NPAS2: variants seen among roughly 807,000 people sequenced by gnomAD.
The protein encoded by NPAS2 is neuronal PAS domain-containing protein 2.
In NPAS2, 23 loss-of-function variants were observed where a neutral mutation model predicts 107.5. The ratio of observed to expected loss-of-function variants is 0.21; its 90% CI spans 0.15 to 0.30. The LOEUF is 0.30. Among genes scored for constraint, NPAS2 ranks in the 10% least tolerant of loss-of-function variants. NPAS2 has a pLI of 1.00. For synonymous variants in NPAS2, 403 were observed against 417.5 expected (o/e 0.97, Z 0.42); for missense variants, 756 against 1,043.3 (o/e 0.72, Z 3.79).
At chr2:100,867,258 C>T (rs894724586) in intron 1 of NPAS2, among the ~76,000 whole-genome samples, 1 of 152,184 alleles carries the variant, frequency 6.6e-6, no homozygotes, top group Non-Finnish European at 1.5e-5. Flanking sequence ...TGATATATCA[C>T]TTATGAGATA....
chr2:100,890,408 C>T (rs1286627075), intron 1 of NPAS2, among the ~76,000 whole-genome samples: 1 of 152,078 alleles, frequency 6.6e-6, no homozygotes, highest in African/African-American at 2.4e-5. Flanking sequence ...CCCCTGAATG[C>T]ACCTCCACAC....
At chr2:100,979,657 G>A (rs140666939) in intron 15 of NPAS2, among the ~76,000 whole-genome samples, 2,502 of 151,588 alleles carry the variant, frequency 0.017, 71 homozygotes, top group African/African-American at 0.056. Context: ...GGGATTACAG[G>A]AATGCACCAC....
rs1401626893 is a variant in NPAS2, at chr2:100,937,854, C to G, written c.363+12C>G. 1.3e-6 allele frequency: 2 copies of G among 1,567,862 alleles called. No individual in the cohort carries two copies. The highest frequency in any genetic ancestry group is 8.8e-7 in the Non-Finnish European group (1 of 1,137,678). On this transcript the variant is annotated intron_variant, in intron 5 of 20. Transcript: ENST00000335681. Reference sequence around the variant, plus strand: ...TTGGGCATTTACCGGTGAGTTTCCACTCCAATGGCCTTTACCGGTTCACGT... The same window carrying G: ...TTGGGCATTTACCGGTGAGTTTCCAGTCCAATGGCCTTTACCGGTTCACGT...
rs770591496 is a variant in NPAS2 at position 100,936,634 on chromosome 2, G to A, written c.274-1119G>A. ...AGAAATCAACTATCAGATACATATT[G>A]TGAAAGCACTGCAAGCATCCACACA... On this transcript the variant is annotated intron_variant, in intron 4 of 20. Transcript: ENST00000335681. Among the ~76,000 whole-genome samples the A allele has an allele frequency of 7.9e-5, 12 of 152,074 alleles. 1 individual carries two copies. Among genetic ancestry groups the A allele is most frequent in the Non-Finnish European group, 1.6e-4 (11 of 68,014 alleles).
intron 2 of NPAS2, among the ~76,000 whole-genome samples, chr2:100,924,894 A>C (rs1164383273): frequency 6.6e-6 from 1 of 152,226 alleles, no homozygotes; most frequent in Non-Finnish European, 1.5e-5. Flanking sequence ...CCTCAGAGCT[A>C]ATCTGTCAGA....
intron 2 of NPAS2, among the ~76,000 whole-genome samples, chr2:100,922,262 A>C (rs1421241566): frequency 6.6e-6 from 1 of 152,186 alleles, no homozygotes; most frequent in Non-Finnish European, 1.5e-5. Context: ...GATGAATTTT[A>C]TTGAATTTAA....
intron 2 of NPAS2, among the ~76,000 whole-genome samples, chr2:100,924,210 T>C (rs962219806): frequency 6.6e-6 from 1 of 151,974 alleles, no homozygotes; most frequent in Non-Finnish European, 1.5e-5. Flanking sequence ...CCCACCAGAG[T>C]GGTGCATTAG....
intron 5 of NPAS2, among the ~76,000 whole-genome samples, chr2:100,947,459 G>C (rs1674968118): frequency 6.6e-6 from 1 of 151,762 alleles, no homozygotes; most frequent in African/African-American, 2.4e-5. Context: ...GCTGAGGCAG[G>C]AGAATCGCTT....
chr2:100,932,657 C>T (rs1684034542), intron 3 of NPAS2, among the ~76,000 whole-genome samples: 1 of 151,106 alleles, frequency 6.6e-6, no homozygotes, highest in Non-Finnish European at 1.5e-5. Context: ...CATGGTACCA[C>T]CTGCAAGGGC....
chr2:100,967,864 G>T (rs770541962), intron 10 of NPAS2, among the ~76,000 whole-genome samples: 1 of 152,214 alleles, frequency 6.6e-6, no homozygotes, highest in Non-Finnish European at 1.5e-5. Flanking sequence ...CACAGAATCC[G>T]TCCAGAGGTT....
intron 1 of NPAS2, among the ~76,000 whole-genome samples, chr2:100,889,967 G>A (rs1001269805): frequency 2.6e-5 from 4 of 152,044 alleles, no homozygotes; most frequent in African/African-American, 4.8e-5. Context: ...GTTCGGGGGC[G>A]GGGAGGGATA....
intron 1 of NPAS2, among the ~76,000 whole-genome samples, chr2:100,842,758 A>G (rs1451325144): frequency 1.3e-5 from 2 of 152,204 alleles, no homozygotes; most frequent in Non-Finnish European, 2.9e-5. Context: ...ATTGTTGACA[A>G]CAGGAGGCTC....
At chr2:100,819,242 G>GGAGGGGAGGGAGAGGCA (rs1675902655), upstream of NPAS2, among the ~76,000 whole-genome samples, 1 of 152,146 alleles carries the variant, frequency 6.6e-6, no homozygotes, top group Non-Finnish European at 1.5e-5. This position sits in a 1 kb window ranked among gnomAD's most constrained non-coding sequence, Gnocchi z 5.8. Flanking sequence ...GGGCAGCGGA[G>GGAGGGGAGGGAGAGGCA]GAGGGGAGGG....
chr2:100,846,894 T>A (rs570045955), intron 1 of NPAS2: 1 of 152,328 alleles, frequency 6.6e-6, no homozygotes, highest in East Asian at 1.9e-4. Context: ...CAGCCACAGT[T>A]TGGACCTGAG....
intron 1 of NPAS2, among the ~76,000 whole-genome samples, chr2:100,852,509 C>G (rs1324816926): frequency 6.6e-6 from 1 of 152,220 alleles, no homozygotes; most frequent in South Asian, 2.1e-4. Context: ...CACGTAAGAA[C>G]AGGACTTGTT....
chr2:100,899,730 T>C (rs1470574801), intron 1 of NPAS2, among the ~76,000 whole-genome samples: 2 of 152,250 alleles, frequency 1.3e-5, no homozygotes, highest in Non-Finnish European at 2.9e-5. Context: ...GACATCCTGA[T>C]TCTGTCCTGC....
chr2:100,879,812 A>T (rs1680220527), intron 1 of NPAS2, among the ~76,000 whole-genome samples: 1 of 152,216 alleles, frequency 6.6e-6, no homozygotes, highest in Non-Finnish European at 1.5e-5. Flanking sequence ...AAGGGACAAG[A>T]TGTGTCCTAG....
chr2:100,953,384 A>C (rs562015329), intron 7 of NPAS2, among the ~76,000 whole-genome samples: 10 of 151,876 alleles, frequency 6.6e-5, no homozygotes, highest in African/African-American at 9.7e-5. Context: ...ATAAAAAAAA[A>C]AAAAAACAAA....
At chr2:100,951,909 G>T (rs1418040775) in intron 7 of NPAS2, among the ~76,000 whole-genome samples, 1 of 152,130 alleles carries the variant, frequency 6.6e-6, no homozygotes, top group Non-Finnish European at 1.5e-5. Flanking sequence ...CAGCACTTTG[G>T]GAGGCCGAGG....
Sources: gnomAD v4.1 joint callset for allele counts (sites outside exome capture counted in the v4.1 genomes callset) on GRCh38, gnomAD v4.1.1 for gene constraint, Gnocchi (gnomAD v3.1) non-coding constraint, MANE v1.5 for transcripts, NCBI Gene and HGNC (gene_info 2026-07-23, HGNC 2026-07-21) for gene names.